The following RARB variants were observed in gnomAD, a reference collection of about 807,000 sequenced individuals.
RARB encodes retinoic acid receptor beta.
RARB carries 17 observed loss-of-function variants against 51.9 expected under a neutral mutation model. The observed-to-expected ratio is 0.33, with a 90% confidence interval of 0.22 to 0.49. RARB has a LOEUF of 0.49. Among genes scored for constraint, RARB ranks in the 20% least tolerant of loss-of-function variants. The probability of loss-of-function intolerance (pLI) is 0.99; values close to 1 mark genes in which losing one functional copy is unlikely to be tolerated. For synonymous variants in RARB, 215 were observed against 195.4 expected, an observed-to-expected ratio of 1.10 and a Z score of -0.84; for missense variants, 369 against 550.8, an observed-to-expected ratio of 0.67 and a Z score of 3.30.
chr3:25,346,156 TC>T (rs1705386806), intron 5 of RARB, among the ~76,000 whole-genome samples: 1 of 152,168 alleles, frequency 6.6e-6, no homozygotes, highest in Non-Finnish European at 1.5e-5. Flanking sequence ...AGATACAACT[TC>T]CATACCTTTT....
chr3:24,839,567 G>C (rs1405653213), intron 1 of RARB, among the ~76,000 whole-genome samples: 1 of 151,156 alleles, frequency 6.6e-6, no homozygotes, highest in Non-Finnish European at 1.5e-5. Flanking sequence ...AGTTAGCTGG[G>C]TATGGCGGTG....
intron 5 of RARB, among the ~76,000 whole-genome samples, chr3:25,351,018 A>C (rs931063111): frequency 4.6e-5 from 7 of 152,284 alleles, no homozygotes; most frequent in African/African-American, 1.7e-4. Context: ...CCGAACACAG[A>C]GGTAGGAGAA....
At chr3:25,400,333 T>A (rs1038280433) in intron 5 of RARB, among the ~76,000 whole-genome samples, 1 of 152,088 alleles carries the variant, frequency 6.6e-6, no homozygotes, top group Non-Finnish European at 1.5e-5. Context: ...GATTTGGAGG[T>A]TATAGCATAA....
intron 2 of RARB, among the ~76,000 whole-genome samples, chr3:25,033,920 T>C (rs1481654149): frequency 6.6e-6 from 1 of 152,182 alleles, no homozygotes; most frequent in East Asian, 1.9e-4. Flanking sequence ...TCCTCATGAA[T>C]AGTTGAAAGT....
At position 25,082,322 on chromosome 3, in the gene RARB, C is replaced by T. The variant is rs149475913; in HGVS notation, c.-328+22146C>T. On this transcript the variant is annotated intron_variant, in intron 3 of 11. Coordinates refer to the RARB transcript ENST00000383772. Reference sequence around the variant, plus strand: ...TTTGTTTACATTTCTCCCATCTGTTCATAACTATTCTTCCTTTTCTTTTGC... The same window carrying T: ...TTTGTTTACATTTCTCCCATCTGTTTATAACTATTCTTCCTTTTCTTTTGC... 2.7e-3 allele frequency among the ~76,000 whole-genome samples: 404 copies of T among 152,118 alleles called. 2 individuals carry two copies. The highest frequency in any genetic ancestry group is 9.5e-3 in the African/African-American group (393 of 41,550).
chr3:25,198,665 A>G (rs1341666797), intron 5 of RARB, among the ~76,000 whole-genome samples: 1 of 152,066 alleles, frequency 6.6e-6, no homozygotes, highest in Non-Finnish European at 1.5e-5. Flanking sequence ...AGACATACAA[A>G]TTGCGAACAG....
intron 2 of RARB, among the ~76,000 whole-genome samples, chr3:25,045,434 G>A (rs577715645): frequency 1.3e-3 from 193 of 152,256 alleles, no homozygotes; most frequent in Non-Finnish European, 2.0e-3. Flanking sequence ...TAAGTAAATG[G>A]ACAGCCTGTT....
At chr3:25,176,613 C>G (rs1221723924) in intron 5 of RARB, among the ~76,000 whole-genome samples, 1 of 151,536 alleles carries the variant, frequency 6.6e-6, no homozygotes, top group African/African-American at 2.4e-5. Flanking sequence ...CCAGAATAGT[C>G]TCGATCTCTT....
chr3:25,494,994 T>A (rs1400206365), intron 2 of RARB, among the ~76,000 whole-genome samples: 1 of 152,202 alleles, frequency 6.6e-6, no homozygotes, highest in Non-Finnish European at 1.5e-5. Context: ...TCATCATTTT[T>A]TTACAGGTGA....
chr3:25,486,273 A>G (rs1696463494), intron 2 of RARB, among the ~76,000 whole-genome samples: 1 of 152,232 alleles, frequency 6.6e-6, no homozygotes, highest in Admixed American at 6.5e-5. Context: ...AATCTCAAAT[A>G]TCAGTGCTAG....
chr3:25,205,097 T>C (rs1701503870), intron 5 of RARB, among the ~76,000 whole-genome samples: 1 of 152,180 alleles, frequency 6.6e-6, no homozygotes, highest in Non-Finnish European at 1.5e-5. Flanking sequence ...CTGGCTGCTT[T>C]GGTTACCTAC....
In RARB at chr3:25,597,086, T is replaced by TGTC; in HGVS notation, c.*471_*473dup. The TGTC allele has an allele frequency of 6.5e-6, 1 of 153,876 alleles. No individual in the cohort carries two copies. The highest frequency in any genetic ancestry group is 2.0e-4 in the South Asian group (1 of 4,896). 9.5% of individuals were successfully genotyped at this position (153,876 alleles called of 1,614,324 possible). A position where few individuals can be genotyped will look rare whatever the true frequency, so the allele number is the denominator to read the frequency against. On this transcript the variant is annotated 3_prime_UTR_variant, in exon 8 of 8. Coordinates refer to ENST00000330688, the MANE Select transcript of RARB (RefSeq NM_000965.5). ...GTCTACCTAGGTTCAAAAAGATAAC[T>TGTC]GTCTTGCTTTCATGGAATAGTCAAG...
chr3:25,459,380 A>G (rs1252315276), intron 1 of RARB, among the ~76,000 whole-genome samples: 1 of 152,198 alleles, frequency 6.6e-6, no homozygotes, highest in Non-Finnish European at 1.5e-5. Context: ...AAATTAGGGG[A>G]CTCACTGAAG....
chr3:25,341,764 C>G (rs1375414387), intron 5 of RARB, among the ~76,000 whole-genome samples: 1 of 152,062 alleles, frequency 6.6e-6, no homozygotes. Context: ...CCACTATGAG[C>G]AAAACAGCCC....
intron 5 of RARB, among the ~76,000 whole-genome samples, chr3:25,350,116 A>C (rs1485248969): frequency 6.6e-6 from 1 of 152,142 alleles, no homozygotes; most frequent in Non-Finnish European, 1.5e-5. Flanking sequence ...CTGTAGGCTT[A>C]AGCTTGGAAC....
chr3:25,458,278 C>T lies in RARB; in HGVS notation c.158-2915C>T, dbSNP rs568956223. The stretch of plus-strand genomic sequence containing the variant: ...GATGACATCATAGGTTAAACAAAGT[C>T]CTCAGCAGTGTCAGTATAATTCCAC... On this transcript the variant is annotated intron_variant, in intron 1 of 7. Coordinates refer to ENST00000330688, the MANE Select transcript of RARB (RefSeq NM_000965.5). 3.3e-5 allele frequency: 5 copies of T among 152,236 alleles called. No individual in the cohort carries two copies. The East Asian group carries it at 7.7e-4, about 24-fold the overall frequency. 9.4% of individuals were successfully genotyped at this position (152,236 alleles called of 1,614,324 possible).
At chr3:25,368,473 A>G (rs1706199606) in intron 5 of RARB, among the ~76,000 whole-genome samples, 1 of 152,198 alleles carries the variant, frequency 6.6e-6, no homozygotes, top group Admixed American at 6.5e-5. Context: ...AGGCAAGTTC[A>G]AAGATGTTTA....
intron 5 of RARB, among the ~76,000 whole-genome samples, chr3:25,365,418 T>G (rs1375468535): frequency 6.6e-6 from 1 of 151,964 alleles, no homozygotes; most frequent in African/African-American, 2.4e-5. Context: ...GTCTCATCCA[T>G]GCTTTCTACT....
chr3:25,500,830 T>C (rs943961261), intron 2 of RARB, among the ~76,000 whole-genome samples: 14 of 152,144 alleles, frequency 9.2e-5, no homozygotes, highest in African/African-American at 3.1e-4. Flanking sequence ...TTCTTGGTAG[T>C]GCGCTCATCT....
Sources: gnomAD v4.1 joint callset for allele counts (sites outside exome capture counted in the v4.1 genomes callset) on GRCh38, gnomAD v4.1.1 for gene constraint, MANE v1.5 for transcripts, NCBI Gene and HGNC (gene_info 2026-07-23, HGNC 2026-07-21) for gene names.